The following GFRA2 variants were observed in gnomAD, a reference collection of about 807,000 sequenced individuals.
GFRA2 encodes GDNF family receptor alpha-2.
GFRA2 carries 17 observed loss-of-function variants against 48.3 expected under a neutral mutation model. The ratio of observed to expected loss-of-function variants is 0.35; its 90% CI spans 0.24 to 0.53. The LOEUF is 0.53. GFRA2 is among the 20% of genes least tolerant of loss of function. The pLI, the probability that GFRA2 is intolerant of heterozygous loss-of-function variation, is 0.93. For synonymous variants in GFRA2, 305 were observed against 257.2 expected (o/e 1.19, Z -1.78); for missense variants, 660 against 637.3 (o/e 1.04, Z -0.38).
chr8:21,726,775 CAG>C (rs1293169547), intron 4 of GFRA2, among the ~76,000 whole-genome samples: 2 of 133,322 alleles, frequency 1.5e-5, no homozygotes, highest in Non-Finnish European at 3.1e-5. Context: ...TTTTTTGAGA[CAG>C]AGTCTCACTC....
At chr8:21,738,092 C>T (rs966918789) in intron 4 of GFRA2, among the ~76,000 whole-genome samples, 8 of 151,836 alleles carry the variant, frequency 5.3e-5, no homozygotes, top group Admixed American at 3.9e-4. Context: ...TCAAATAAGT[C>T]TGAAACCCAA....
intron 3 of GFRA2, among the ~76,000 whole-genome samples, chr8:21,756,209 G>C (rs1037920336): frequency 6.6e-6 from 1 of 152,194 alleles, no homozygotes; most frequent in African/African-American, 2.4e-5. Flanking sequence ...TATAGCCTCC[G>C]TGGCTTCCAT....
chr8:21,798,462 C>T (rs1807715599), intron 2 of GFRA2, among the ~76,000 whole-genome samples: 1 of 152,210 alleles, frequency 6.6e-6, no homozygotes. Context: ...CGAAATTCAT[C>T]TTCCATCCAG....
In GFRA2 at chr8:21,750,107, A is replaced by ACACACACACACACG. The variant is rs201515239; in HGVS notation, c.794+480_794+481insCGTGTGTGTGTGTG. 0.014 allele frequency among the ~76,000 whole-genome samples: 2,160 copies of ACACACACACACACG among 150,738 alleles called. 59 individuals are homozygous for ACACACACACACACG. The highest frequency in any genetic ancestry group is 0.05 in the African/African-American group (2,034 of 40,930). On this transcript the variant is annotated intron_variant, in intron 4 of 8. Coordinates refer to ENST00000524240, the MANE Select transcript of GFRA2 (RefSeq NM_001495.5). The surrounding 1 kb of genome is among the most constrained non-coding windows in gnomAD (Gnocchi z 5.7). ...TGTGTATACACACACACACACACAC[A>ACACACACACACACG]CACGCACATATATAGGTAGAGACTG...
upstream of GFRA2, chr8:21,790,166 G>A (rs1807525711): frequency 1.1e-6 from 1 of 899,042 alleles, no homozygotes. Context: ...TGCGGCTGCG[G>A]TCACGTTCCG....
chr8:21,693,326 C>A lies in GFRA2; in HGVS notation c.1347G>T (p.Ser449=), dbSNP rs74640671. The change falls in exon 9 of 9, where the codon TCG becomes TCT. Residue 449 remains serine, a synonymous_variant. Transcript: ENST00000524240. ...GGACAGACAGCACGGTCAAGGCAGC[C>A]GACGGTCTGGCTCTGCTGGGGCCTG... ...PNSGPSRARP[S]AALTVLSVLM... 3 of 1,613,462 alleles carry A rather than the reference C, an allele frequency of 1.9e-6. No homozygotes were observed. The highest frequency in any genetic ancestry group is 2.5e-6 in the Non-Finnish European group (3 of 1,179,750).
At chr8:21,780,709 G>A (rs958787353) in intron 2 of GFRA2, among the ~76,000 whole-genome samples, 37 of 151,986 alleles carry the variant, frequency 2.4e-4, no homozygotes, top group African/African-American at 7.7e-4. Flanking sequence ...TTCTTCTGAG[G>A]CCTCCATCAT....
intron 6 of GFRA2, 136 bp downstream of exon 6, chr8:21,704,849 C>T: frequency 2.8e-6 from 2 of 722,154 alleles, no homozygotes; most frequent in Non-Finnish European, 4.7e-6. Flanking sequence ...CCAAGGTCCC[C>T]ACGGGCAACA....
At chr8:21,768,209 C>A (rs1226303240) in intron 3 of GFRA2, among the ~76,000 whole-genome samples, 1 of 152,250 alleles carries the variant, frequency 6.6e-6, no homozygotes, top group African/African-American at 2.4e-5. Context: ...TCGGAGGTGA[C>A]AGAGCTGCAG....
chr8:21,772,028 G>A (rs1806461397), intron 3 of GFRA2, among the ~76,000 whole-genome samples: 1 of 152,146 alleles, frequency 6.6e-6, no homozygotes, highest in Non-Finnish European at 1.5e-5. Context: ...CCCGGATATT[G>A]ACAAGCAGGA....
rs539084576 is a variant in GFRA2 at position 21,701,287 on chromosome 8, G to A, written c.1218+1518C>T. ...CGGGTGCCTGTAGTCCCAGCTACTC[G>A]GGAGGCTGAGGCAGGAGAATGGCGT... On this transcript the variant is annotated intron_variant, in intron 7 of 8. Coordinates refer to ENST00000524240, the MANE Select transcript of GFRA2 (RefSeq NM_001495.5). Among the ~76,000 whole-genome samples, 16 of 152,274 alleles carry A rather than the reference G, an allele frequency of 1.1e-4. No homozygotes were observed. The South Asian group carries it at 1.2e-3, about 12-fold the overall frequency.
intron 4 of GFRA2, among the ~76,000 whole-genome samples, chr8:21,721,309 G>A (rs1482355138): frequency 6.6e-6 from 1 of 152,128 alleles, no homozygotes; most frequent in African/African-American, 2.4e-5. Context: ...TTGGAAAAGT[G>A]TCTCTGCTTT....
intron 7 of GFRA2, among the ~76,000 whole-genome samples, chr8:21,697,905 G>A (rs913710606): frequency 6.6e-6 from 1 of 152,188 alleles, no homozygotes; most frequent in Admixed American, 6.5e-5. Flanking sequence ...CTTCTGCCAT[G>A]ATTGTGAGGC....
At chr8:21,779,054 G>T (rs1806846750) in intron 2 of GFRA2, among the ~76,000 whole-genome samples, 1 of 150,590 alleles carries the variant, frequency 6.6e-6, no homozygotes, top group African/African-American at 2.4e-5. Flanking sequence ...AAAAAAAAAA[G>T]CCAGTCATAG....
At chr8:21,758,077 G>A (rs771142521) in intron 3 of GFRA2, among the ~76,000 whole-genome samples, 13 of 152,108 alleles carry the variant, frequency 8.5e-5, no homozygotes, top group Non-Finnish European at 1.3e-4. Context: ...AGGCCCCACC[G>A]AGTCAGGAGC....
At chr8:21,744,172 G>C (rs1390534914) in intron 4 of GFRA2, among the ~76,000 whole-genome samples, 1 of 152,172 alleles carries the variant, frequency 6.6e-6, no homozygotes, top group Non-Finnish European at 1.5e-5. Flanking sequence ...TGAAGATACT[G>C]AACACCCCCC....
At chr8:21,711,730 G>C (rs1331074547) in intron 4 of GFRA2, among the ~76,000 whole-genome samples, 1 of 150,670 alleles carries the variant, frequency 6.6e-6, no homozygotes, top group African/African-American at 2.5e-5. Context: ...TTCTCGCAGA[G>C]GGGGATTTGG....
At chr8:21,718,897 C>A (rs13250096) in intron 4 of GFRA2, among the ~76,000 whole-genome samples, 3 of 151,684 alleles carry the variant, frequency 2.0e-5, no homozygotes, top group Admixed American at 6.6e-5. Flanking sequence ...TCCCCAGCCC[C>A]CAACTCTGCC....
intron 2 of GFRA2, among the ~76,000 whole-genome samples, chr8:21,776,270 G>A (rs2117713533): frequency 6.6e-6 from 1 of 152,182 alleles, no homozygotes; most frequent in Admixed American, 6.5e-5. Context: ...CACCGAGCAA[G>A]GAGGCTGCCT....
Sources: gnomAD v4.1 joint callset for allele counts (sites outside exome capture counted in the v4.1 genomes callset) on GRCh38, gnomAD v4.1.1 for gene constraint, Gnocchi (gnomAD v3.1) non-coding constraint, MANE v1.5 for transcripts, NCBI Gene and HGNC (gene_info 2026-07-23, HGNC 2026-07-21) for gene names.